The following MLIP variants were observed in gnomAD, a reference collection of about 807,000 sequenced individuals.
MLIP encodes muscular LMNA interacting protein.
Under a neutral mutation model 84.8 loss-of-function variants are expected in MLIP, and 79 were observed. That is an observed-to-expected ratio of 0.93 (90% CI 0.78 to 1.12). MLIP has a LOEUF of 1.12. Among genes scored for constraint, MLIP ranks in the 50% most tolerant of loss-of-function variants. The probability of loss-of-function intolerance (pLI) is 0.00; values close to 1 mark genes in which losing one functional copy is unlikely to be tolerated. For synonymous variants in MLIP, 504 were observed against 463.0 expected, an observed-to-expected ratio of 1.09 and a Z score of -1.14; for missense variants, 1,257 against 1,160.6, an observed-to-expected ratio of 1.08 and a Z score of -1.21.
At chr6:54,179,876 C>T (rs1309334758) in intron 9 of MLIP, among the ~76,000 whole-genome samples, 2 of 152,038 alleles carry the variant, frequency 1.3e-5, no homozygotes, top group Admixed American at 6.6e-5. Context: ...TTTCTGTGTG[C>T]CTACTATTAC....
intron 11 of MLIP, among the ~76,000 whole-genome samples, chr6:54,224,750 C>T (rs952161847): frequency 6.6e-6 from 1 of 151,784 alleles, no homozygotes; most frequent in Admixed American, 6.6e-5. Flanking sequence ...ACTCTTCCCC[C>T]CAAGTCCCCA....
At chr6:54,083,180 T>A (rs1767273053) in intron 1 of MLIP, among the ~76,000 whole-genome samples, 1 of 151,980 alleles carries the variant, frequency 6.6e-6, no homozygotes, top group East Asian at 1.9e-4. Flanking sequence ...CCCTAAGTCA[T>A]GTAATATATA....
chr6:54,124,166 C>T (rs555079897), intron 2 of MLIP, among the ~76,000 whole-genome samples: 3 of 152,122 alleles, frequency 2.0e-5, no homozygotes, highest in Admixed American at 6.5e-5. Flanking sequence ...AATGTCTTCA[C>T]GGAAAACATT....
chr6:54,078,266 A>G (rs1427024475), intron 1 of MLIP, among the ~76,000 whole-genome samples: 1 of 152,164 alleles, frequency 6.6e-6, no homozygotes, highest in African/African-American at 2.4e-5. Context: ...GTTCTCTAGC[A>G]CTCGTTAAGA....
At chr6:54,179,983 C>T (rs972776594) in intron 9 of MLIP, among the ~76,000 whole-genome samples, 6 of 152,132 alleles carry the variant, frequency 3.9e-5, no homozygotes, top group Admixed American at 3.9e-4. Context: ...GTAGACAGGT[C>T]TGATGTTAAT....
intron 1 of MLIP, among the ~76,000 whole-genome samples, chr6:54,088,694 G>C (rs180702474): frequency 6.6e-5 from 10 of 152,228 alleles, no homozygotes; most frequent in Admixed American, 2.6e-4. Context: ...TCTCATAATT[G>C]GTAAGCAAAT....
intron 8 of MLIP, among the ~76,000 whole-genome samples, chr6:54,169,025 G>A (rs556108380): frequency 5.3e-4 from 80 of 151,700 alleles, no homozygotes; most frequent in East Asian, 1.2e-3. Flanking sequence ...TGTGGATGTT[G>A]CACTAGTAGC....
At chr6:54,101,718 T>G (rs1768664351) in intron 1 of MLIP, among the ~76,000 whole-genome samples, 1 of 152,158 alleles carries the variant, frequency 6.6e-6, no homozygotes, top group Non-Finnish European at 1.5e-5. Flanking sequence ...TCAACAATAA[T>G]TTCCTGTGCT....
Position 54,111,562 on chromosome 6 carries a change from A to G in MLIP, c.83A>G (p.Gln28Arg), listed in dbSNP as rs1156764178. ...TCGTGCATCTTATCAGGGAGCATTC[A>G]GACCACACCCCAGGTAAAAGGAAGT... ...MTSCILSGSIQTTPQVSAGGS... is the reference protein window; with the variant it reads ...MTSCILSGSIRTTPQVSAGGS... Residue 28 changes from glutamine (Q) to arginine (R), a missense_variant, in exon 1 of 14, where the codon CAG (glutamine) becomes CGG (arginine). Gln to Arg is a conservative substitution (Grantham distance 43). Coordinates refer to ENST00000502396, the MANE Select transcript of MLIP (RefSeq NM_001281747.2). 1.2e-5 allele frequency: 18 copies of G among 1,535,950 alleles called. No homozygotes were observed. Among genetic ancestry groups the G allele is most frequent in the Middle Eastern group, 1.7e-4 (1 of 6,010 alleles).
chr6:54,034,074 G>A (rs970199680), intron 1 of MLIP, among the ~76,000 whole-genome samples: 3 of 152,120 alleles, frequency 2.0e-5, no homozygotes, highest in Non-Finnish European at 2.9e-5. Flanking sequence ...CATATACAAA[G>A]CTGTCTTGCC....
At chr6:54,205,857 C>T (rs968164662) in intron 11 of MLIP, among the ~76,000 whole-genome samples, 35 of 152,220 alleles carry the variant, frequency 2.3e-4, no homozygotes, top group African/African-American at 7.7e-4. Context: ...TTAATCTTCA[C>T]TCGTTATTCA....
At chr6:54,084,143 T>C (rs1380536020) in intron 1 of MLIP, among the ~76,000 whole-genome samples, 1 of 152,158 alleles carries the variant, frequency 6.6e-6, no homozygotes, top group Non-Finnish European at 1.5e-5. Flanking sequence ...TTTTCCTCTT[T>C]GTCCTTCCTT....
intron 12 of MLIP, among the ~76,000 whole-genome samples, chr6:54,239,805 T>G (rs962484747): frequency 6.6e-6 from 1 of 151,478 alleles, no homozygotes; most frequent in Non-Finnish European, 1.5e-5. Context: ...AAATAAAAAA[T>G]AAAATAAAAT....
At chr6:54,236,448 A>C (rs1003602536) in intron 12 of MLIP, among the ~76,000 whole-genome samples, 2 of 152,196 alleles carry the variant, frequency 1.3e-5, no homozygotes, top group African/African-American at 4.8e-5. Context: ...TAAAAATACA[A>C]AAGATTAGCC....
chr6:54,224,685 C>T (rs772339816), intron 11 of MLIP, among the ~76,000 whole-genome samples: 7 of 151,822 alleles, frequency 4.6e-5, no homozygotes, highest in African/African-American at 9.7e-5. Flanking sequence ...TCCCATCCCC[C>T]GAGCAGTATA....
chr6:54,160,606 C>A lies in MLIP; in HGVS notation c.2439+7C>A. ...ACAGGATTCCTTGTCTATGGTAATG[C>A]TTTAGACTAGAATGTGCAATTCAAA... On this transcript the variant is annotated splice_region_variant and intron_variant, in intron 7 of 13. Transcript: ENST00000502396. The A allele has an allele frequency of 6.2e-7, 1 of 1,603,702 alleles. No individual in the cohort carries two copies. Among genetic ancestry groups the A allele is most frequent in the Non-Finnish European group, 8.5e-7 (1 of 1,172,088 alleles).
intron 1 of MLIP, among the ~76,000 whole-genome samples, chr6:54,120,851 G>A (rs1770391188): frequency 6.6e-6 from 1 of 151,928 alleles, no homozygotes; most frequent in South Asian, 2.1e-4. Flanking sequence ...CCTGTTCACC[G>A]TTGTTTCCCT....
chr6:54,140,678 G>A (rs1772216018), intron 4 of MLIP, among the ~76,000 whole-genome samples: 1 of 152,012 alleles, frequency 6.6e-6, no homozygotes, highest in African/African-American at 2.4e-5. Flanking sequence ...CAGAAAGTCA[G>A]CCTACTTTTT....
intron 1 of MLIP, among the ~76,000 whole-genome samples, chr6:54,050,119 T>C (rs1398719061): frequency 5.3e-5 from 8 of 152,134 alleles, no homozygotes. Context: ...AAAGTAAACA[T>C]CTGAAGCTCT....
Sources: gnomAD v4.1 joint callset for allele counts (sites outside exome capture counted in the v4.1 genomes callset) on GRCh38, gnomAD v4.1.1 for gene constraint, MANE v1.5 for transcripts, NCBI Gene and HGNC (gene_info 2026-07-23, HGNC 2026-07-21) for gene names.